Variants in ULK4 observed in about 807,000 individuals in gnomAD.
ULK4 encodes inactive serine/threonine-protein kinase ULK4.
ULK4 carries 133 observed loss-of-function variants against 160.6 expected under a neutral mutation model. The observed-to-expected ratio is 0.83, with a 90% CI of 0.72 to 0.96. ULK4 has a LOEUF of 0.96. Ranked by LOEUF, ULK4 falls within the 40% of genes least tolerant of loss-of-function variation. The probability of loss-of-function intolerance (pLI) is 0.00; values close to 1 mark genes in which losing one functional copy is unlikely to be tolerated. For synonymous variants in ULK4, 534 were observed against 539.8 expected, an observed-to-expected ratio of 0.99 and a Z score of 0.15; for missense variants, 1,580 against 1,499.5, an observed-to-expected ratio of 1.05 and a Z score of -0.89.
intron 1 of ULK4, 164 bp downstream of exon 1, chr3:41,961,852 G>GC (rs1700687103): frequency 6.5e-6 from 1 of 152,684 alleles, no homozygotes; most frequent in African/African-American, 2.4e-5. Flanking sequence ...TAACACGAGC[G>GC]CAAAGCAGGG....
chr3:41,647,307 T>TC (rs1357056105), intron 30 of ULK4, among the ~76,000 whole-genome samples: 3 of 152,198 alleles, frequency 2.0e-5, no homozygotes, highest in Admixed American at 6.5e-5. Context: ...CTCTGTTTTT[T>TC]CCCCATCTTT....
At chr3:41,875,983 G>T (rs1370794626) in intron 17 of ULK4, among the ~76,000 whole-genome samples, 1 of 148,382 alleles carries the variant, frequency 6.7e-6, no homozygotes, top group East Asian at 1.9e-4. Flanking sequence ...AAAAAAAAAG[G>T]TTCAACCTAA....
At chr3:41,862,388 T>A (rs1285028596) in intron 17 of ULK4, among the ~76,000 whole-genome samples, 1 of 152,218 alleles carries the variant, frequency 6.6e-6, no homozygotes, top group Admixed American at 6.5e-5. Flanking sequence ...TCTCCAGGAT[T>A]GGTCCCTCGT....
Position 41,792,504 on chromosome 3 carries a change from A to T in ULK4, c.2011-2661T>A, listed in dbSNP as rs143858247. ...ATGACTTCAACACAGCACAACAGTA[A>T]GTCTCATTAGCACTATAACAATTCT... is the stretch of plus-strand genomic sequence containing the variant. On this transcript the variant is annotated intron_variant, in intron 20 of 36. Coordinates refer to ENST00000301831, the MANE Select transcript of ULK4 (RefSeq NM_017886.4). 3.9e-5 allele frequency among the ~76,000 whole-genome samples: 6 copies of T among 152,300 alleles called. No homozygotes were observed. In the East Asian group the frequency reaches 1.2e-3, roughly 29 times the overall value.
At chr3:41,539,188 T>TC (rs34792435) in intron 32 of ULK4, among the ~76,000 whole-genome samples, 68,279 of 151,884 alleles carry the variant, frequency 0.45, 16,038 homozygotes, top group Middle Eastern at 0.54. Flanking sequence ...TGTTCAAGGG[T>TC]CAACTGTATT....
chr3:41,256,364 G>A (rs2078834752), intron 35 of ULK4, among the ~76,000 whole-genome samples: 1 of 152,180 alleles, frequency 6.6e-6, no homozygotes. Flanking sequence ...CAGCAACCAT[G>A]ACAATGTGGT....
rs1219706711 is a variant in ULK4, at chr3:41,793,845, A to AACT, written c.2011-4005_2011-4003dup. On this transcript the variant is annotated intron_variant, in intron 20 of 36. Coordinates refer to ENST00000301831, the MANE Select transcript of ULK4 (RefSeq NM_017886.4). Reference sequence around the variant, plus strand: ...TCCCCAAGTCAGGTCCACTCCTTCCAACTACCAATACCTACCAATGCTGCC... The same window carrying AACT: ...TCCCCAAGTCAGGTCCACTCCTTCCAACTACTACCAATACCTACCAATGCTGCC... Among the ~76,000 whole-genome samples the AACT allele has an allele frequency of 5.9e-5, 9 of 152,304 alleles. No homozygotes were observed. In the South Asian group the frequency reaches 1.2e-3, roughly 21 times the overall value.
chr3:41,520,152 C>G (rs2085884894), intron 32 of ULK4, among the ~76,000 whole-genome samples: 1 of 152,152 alleles, frequency 6.6e-6, no homozygotes, highest in South Asian at 2.1e-4. Flanking sequence ...TCACCACTAT[C>G]TCCAGAACAT....
chr3:41,547,205 A>G (rs1274590185), intron 32 of ULK4, among the ~76,000 whole-genome samples: 3 of 152,198 alleles, frequency 2.0e-5, no homozygotes, highest in African/African-American at 7.2e-5. Context: ...TACTCCCAAC[A>G]TTTGCTGACC....
At chr3:41,516,021 A>G (rs1327819732) in intron 32 of ULK4, among the ~76,000 whole-genome samples, 1 of 152,228 alleles carries the variant, frequency 6.6e-6, no homozygotes, top group Non-Finnish European at 1.5e-5. Context: ...AAATTCACTA[A>G]ATTGTATGCT....
intron 18 of ULK4, among the ~76,000 whole-genome samples, chr3:41,825,101 G>T (rs1376668355): frequency 6.6e-6 from 1 of 152,194 alleles, no homozygotes; most frequent in Non-Finnish European, 1.5e-5. Flanking sequence ...GCAGCTGAGG[G>T]TCCTGTCTGT....
chr3:41,823,308 C>T (rs751917740), intron 18 of ULK4, among the ~76,000 whole-genome samples: 1 of 152,008 alleles, frequency 6.6e-6, no homozygotes, highest in African/African-American at 2.4e-5. Context: ...GTCAGTATAG[C>T]TGGAAGGAGT....
At chr3:41,811,059 T>C (rs2040807079) in intron 19 of ULK4, among the ~76,000 whole-genome samples, 1 of 150,986 alleles carries the variant, frequency 6.6e-6, no homozygotes. Flanking sequence ...AATTTTAAAT[T>C]TTTTTTTTGT....
intron 35 of ULK4, among the ~76,000 whole-genome samples, chr3:41,369,794 A>C (rs751036228): frequency 2.3e-3 from 177 of 78,170 alleles, no homozygotes; most frequent in Admixed American, 3.0e-3. Context: ...ACTATGTCTC[A>C]AAAAAAAAAA....
intron 31 of ULK4, among the ~76,000 whole-genome samples, chr3:41,603,995 TAA>T (rs1193407132): frequency 1.3e-5 from 2 of 152,050 alleles, no homozygotes. Flanking sequence ...TAGATGAGGC[TAA>T]AGAGACAGCA....
intron 31 of ULK4, among the ~76,000 whole-genome samples, chr3:41,574,825 C>G (rs964590658): frequency 6.6e-6 from 1 of 152,240 alleles, no homozygotes; most frequent in Non-Finnish European, 1.5e-5. Flanking sequence ...GGATTACAGG[C>G]GTGAGCCACT....
At position 41,806,415 on chromosome 3, in the gene ULK4, T is replaced by C. The variant is rs866233882; in HGVS notation, c.1849-6122A>G. 6.6e-5 allele frequency among the ~76,000 whole-genome samples: 10 copies of C among 152,344 alleles called. No homozygotes were observed. In the South Asian group the frequency reaches 1.0e-3, roughly 16 times the overall value. ...TCTTGCTAGTGGTCTATCAGTTTTGTTGATCCTTTCAAAAAACCAGCTCCT... is the reference window on the plus strand; with the variant it reads ...TCTTGCTAGTGGTCTATCAGTTTTGCTGATCCTTTCAAAAAACCAGCTCCT... On this transcript the variant is annotated intron_variant, in intron 19 of 36. Coordinates refer to ENST00000301831, the MANE Select transcript of ULK4 (RefSeq NM_017886.4).
intron 30 of ULK4, among the ~76,000 whole-genome samples, chr3:41,639,932 T>G (rs553956548): frequency 6.6e-6 from 1 of 152,084 alleles, no homozygotes; most frequent in Non-Finnish European, 1.5e-5. Context: ...GGTAAAGAAA[T>G]AGAAAACTGT....
chr3:41,562,675 T>C (rs1036402994), intron 32 of ULK4, among the ~76,000 whole-genome samples: 5 of 152,178 alleles, frequency 3.3e-5, no homozygotes, highest in Non-Finnish European at 5.9e-5. Context: ...GAGACTGGGA[T>C]TGTAACCCCT....
Sources: allele counts gnomAD v4.1 joint callset (sites outside exome capture counted in the v4.1 genomes callset), GRCh38; gene constraint gnomAD v4.1.1; transcripts MANE v1.5; gene names NCBI Gene and HGNC (gene_info 2026-07-23, HGNC 2026-07-21).